Variants in ZNF362 observed in about 807,000 individuals in gnomAD.
The protein encoded by ZNF362 is rotund homolog.
A neutral mutation model predicts 42.9 loss-of-function variants in ZNF362; 11 were observed. That is an observed-to-expected ratio of 0.26 (90% CI 0.16 to 0.42). The LOEUF (loss-of-function observed/expected upper bound fraction) is 0.42. Ranked by LOEUF, ZNF362 falls within the 20% of genes least tolerant of loss-of-function variation. The probability of loss-of-function intolerance (pLI) is 1.00; values close to 1 mark genes in which losing one functional copy is unlikely to be tolerated. For missense variants in ZNF362, 362 were observed against 576.2 expected (o/e 0.63, Z 3.81); for synonymous variants, 255 against 257.3 (o/e 0.99, Z 0.09).
At chr1:33,220,280 G>GT in the ZNF362 span, among the ~76,000 whole-genome samples, 1 of 152,288 alleles carries the variant, frequency 6.6e-6, no homozygotes, top group East Asian at 1.9e-4. Context: ...CTATTCCATT[G>GT]TTTTTATTAA....
chr1:33,189,253 A>G, the ZNF362 span, among the ~76,000 whole-genome samples: 5 of 152,116 alleles, frequency 3.3e-5, no homozygotes, highest in East Asian at 9.6e-4. Flanking sequence ...GGTCATCAGG[A>G]ATCTCTCATG....
the ZNF362 span, among the ~76,000 whole-genome samples, chr1:33,227,354 C>T: frequency 6.6e-6 from 1 of 152,156 alleles, no homozygotes; most frequent in African/African-American, 2.4e-5. Flanking sequence ...ACTTCTGAGG[C>T]TAGGCCTTTG....
the ZNF362 span, chr1:33,165,622 C>G: frequency 4.1e-6 from 6 of 1,456,108 alleles, no homozygotes; most frequent in African/African-American, 7.1e-5. The surrounding 1 kb of genome is among the most constrained non-coding windows in gnomAD (Gnocchi z 4.0). Context: ...CCCAGGCATT[C>G]AGCCCTGACC....
At chr1:33,189,534 C>T in the ZNF362 span, among the ~76,000 whole-genome samples, 3 of 150,536 alleles carry the variant, frequency 2.0e-5, no homozygotes, top group South Asian at 6.4e-4. Context: ...TTTATTGTAA[C>T]TCTTGTCAGT....
the ZNF362 span, among the ~76,000 whole-genome samples, chr1:33,211,620 C>T: frequency 1.3e-5 from 2 of 152,126 alleles, no homozygotes; most frequent in Non-Finnish European, 2.9e-5. Context: ...GTCTGATGGG[C>T]TTCCCTTTGT....
At chr1:33,135,946 C>G in the ZNF362 span, among the ~76,000 whole-genome samples, 9 of 152,022 alleles carry the variant, frequency 5.9e-5, no homozygotes, top group Admixed American at 5.9e-4. Flanking sequence ...CCCTCCCCAC[C>G]CTGCCGGTAA....
At chr1:33,224,546 A>C in the ZNF362 span, among the ~76,000 whole-genome samples, 5 of 152,234 alleles carry the variant, frequency 3.3e-5, no homozygotes, top group African/African-American at 1.2e-4. Context: ...TATAAGAGAT[A>C]ACAATGTAAG....
At chr1:33,267,252 A>G (rs774190457) in intron 1 of ZNF362, among the ~76,000 whole-genome samples, 1 of 152,190 alleles carries the variant, frequency 6.6e-6, no homozygotes, top group Non-Finnish European at 1.5e-5. Context: ...TTCCAGGCCT[A>G]TCGCCCCATC....
At chr1:33,291,510 C>T (rs1338107995) in intron 6 of ZNF362, among the ~76,000 whole-genome samples, 2 of 152,208 alleles carry the variant, frequency 1.3e-5, no homozygotes, top group Non-Finnish European at 2.9e-5. Context: ...ATGCTTCCAG[C>T]TTCGTTCTTT....
At chr1:33,176,876 A>G in the ZNF362 span, among the ~76,000 whole-genome samples, 1 of 152,250 alleles carries the variant, frequency 6.6e-6, no homozygotes, top group Non-Finnish European at 1.5e-5. Context: ...AGGTAATGCA[A>G]GAAAAGCCCT....
At chr1:33,252,513 A>G (rs1645767665), upstream of ZNF362, among the ~76,000 whole-genome samples, 1 of 152,210 alleles carries the variant, frequency 6.6e-6, no homozygotes, top group Non-Finnish European at 1.5e-5. Flanking sequence ...AAGTAGAGAA[A>G]CCATGATGGG....
the ZNF362 span, among the ~76,000 whole-genome samples, chr1:33,202,555 GC>G: frequency 6.7e-6 from 1 of 148,214 alleles, no homozygotes; most frequent in African/African-American, 2.5e-5. Context: ...CCGAGATTGC[GC>G]CACTGCACTC....
chr1:33,298,585 G>A (rs1416211286), intron 8 of ZNF362, among the ~76,000 whole-genome samples: 1 of 152,192 alleles, frequency 6.6e-6, no homozygotes, highest in African/African-American at 2.4e-5. Context: ...CTGTCACTGG[G>A]ATCACCAGCC....
chr1:33,128,092 G>T, the ZNF362 span, among the ~76,000 whole-genome samples: 1 of 151,714 alleles, frequency 6.6e-6, no homozygotes, highest in Non-Finnish European at 1.5e-5. Context: ...GGTTGGGCAC[G>T]GTAGCTCACA....
chr1:33,160,890 C>A, the ZNF362 span, among the ~76,000 whole-genome samples: 1 of 152,216 alleles, frequency 6.6e-6, no homozygotes, highest in Admixed American at 6.5e-5. Context: ...TGTTTATAGA[C>A]AGGATCAGGG....
chr1:33,218,371 G>A, the ZNF362 span, among the ~76,000 whole-genome samples: 1 of 152,158 alleles, frequency 6.6e-6, no homozygotes, highest in East Asian at 1.9e-4. Flanking sequence ...AGCCCTGGAG[G>A]TCGAGGCTGC....
chr1:33,181,383 A>G, the ZNF362 span: 2 of 1,602,306 alleles, frequency 1.2e-6, no homozygotes, highest in Non-Finnish European at 1.7e-6. This position sits in a 1 kb window ranked among gnomAD's most constrained non-coding sequence, Gnocchi z 6.5. Flanking sequence ...GTCCTGGTAG[A>G]TGCTCAGGCA....
chr1:33,189,356 G>T, the ZNF362 span, among the ~76,000 whole-genome samples: 4 of 151,876 alleles, frequency 2.6e-5, no homozygotes, highest in Non-Finnish European at 5.9e-5. Context: ...TGTGACCTCT[G>T]GTCCTGCTCA....
the ZNF362 span, among the ~76,000 whole-genome samples, chr1:33,246,637 C>G: frequency 6.6e-6 from 1 of 152,228 alleles, no homozygotes; most frequent in Admixed American, 6.5e-5. Flanking sequence ...TGCTATTTCT[C>G]TGTTCCTGGT....
Sources: gnomAD v4.1 joint callset for allele counts (sites outside exome capture counted in the v4.1 genomes callset) on GRCh38, gnomAD v4.1.1 for gene constraint, Gnocchi (gnomAD v3.1) non-coding constraint, MANE v1.5 for transcripts, NCBI Gene and HGNC (gene_info 2026-07-23, HGNC 2026-07-21) for gene names.